CAMKMT: variants seen among roughly 807,000 people sequenced by gnomAD.
The protein encoded by CAMKMT is calmodulin-lysine N-methyltransferase, also known as CaM KMT.
CAMKMT carries 53 observed loss-of-function variants against 48.0 expected under a neutral mutation model. The observed-to-expected ratio is 1.10, with a 90% confidence interval of 0.89 to 1.39. The LOEUF is 1.39. Among genes scored for constraint, CAMKMT ranks in the 40% most tolerant of loss-of-function variants. The probability of loss-of-function intolerance (pLI) is 0.00; values close to 1 mark genes in which losing one functional copy is unlikely to be tolerated. For missense variants in CAMKMT, 428 were observed against 402.7 expected (o/e 1.06, Z -0.54); for synonymous variants, 165 against 152.3 (o/e 1.08, Z -0.61).
intron 7 of CAMKMT, among the ~76,000 whole-genome samples, chr2:44,740,629 T>A (rs1276536424): frequency 6.6e-6 from 1 of 152,188 alleles, no homozygotes; most frequent in Non-Finnish European, 1.5e-5. Context: ...TTCATAGTCA[T>A]GAATTTAAAG....
chr2:44,552,300 T>C (rs182181253), intron 3 of CAMKMT, among the ~76,000 whole-genome samples: 2 of 152,290 alleles, frequency 1.3e-5, no homozygotes, highest in East Asian at 3.9e-4. Flanking sequence ...TTTGAGTCTT[T>C]TAAATAAAAT....
At chr2:44,519,713 A>G (rs1558672400) in intron 3 of CAMKMT, among the ~76,000 whole-genome samples, 1 of 152,194 alleles carries the variant, frequency 6.6e-6, no homozygotes, top group Admixed American at 6.5e-5. Flanking sequence ...AAGTTTTACT[A>G]TGTGCCGGGC....
At chr2:44,675,141 AT>A (rs1675606966) in intron 3 of CAMKMT, among the ~76,000 whole-genome samples, 1 of 151,432 alleles carries the variant, frequency 6.6e-6, no homozygotes, top group South Asian at 2.1e-4. Flanking sequence ...CTTACTCTAC[AT>A]TCCCTTAATT....
chr2:44,709,218 T>G (rs1176944899), intron 6 of CAMKMT, among the ~76,000 whole-genome samples: 1 of 152,156 alleles, frequency 6.6e-6, no homozygotes, highest in Non-Finnish European at 1.5e-5. Flanking sequence ...TAACATTTGG[T>G]CCTCAGAAGC....
At chr2:44,704,705 T>G (rs1018825279) in intron 4 of CAMKMT, among the ~76,000 whole-genome samples, 1 of 136,632 alleles carries the variant, frequency 7.3e-6, no homozygotes, top group Non-Finnish European at 1.6e-5. Context: ...AAAAAACCAA[T>G]AAAGACATTC....
chr2:44,369,421 C>T lies in CAMKMT; in HGVS notation c.139-3295C>T, dbSNP rs146154365. On this transcript the variant is annotated intron_variant, in intron 1 of 10. Transcript: ENST00000378494. Reference sequence around the variant, plus strand: ...TTATGCATCTTTGGAATAAGTGTTCCTTTTTTGAAAATAGAAACCACTCTA... The same window carrying T: ...TTATGCATCTTTGGAATAAGTGTTCTTTTTTTGAAAATAGAAACCACTCTA... 6.1e-3 allele frequency among the ~76,000 whole-genome samples: 922 copies of T among 151,926 alleles called. 8 individuals carry two copies. Among genetic ancestry groups the T allele is most frequent in the African/African-American group, 0.021 (881 of 41,440 alleles).
intron 3 of CAMKMT, among the ~76,000 whole-genome samples, chr2:44,651,932 A>G (rs1674092573): frequency 6.6e-6 from 1 of 152,246 alleles, no homozygotes; most frequent in Non-Finnish European, 1.5e-5. Context: ...TTTCTGTCAT[A>G]GAAAAGTCTG....
chr2:44,656,811 GA>G (rs144672182), intron 3 of CAMKMT, among the ~76,000 whole-genome samples: 3,227 of 152,030 alleles, frequency 0.021, 91 homozygotes, highest in African/African-American at 0.068. Context: ...CCTTCTGACA[GA>G]AAAAAAGTTC....
At chr2:44,378,006 A>C (rs1679867908) in intron 2 of CAMKMT, among the ~76,000 whole-genome samples, 1 of 152,212 alleles carries the variant, frequency 6.6e-6, no homozygotes, top group African/African-American at 2.4e-5. Flanking sequence ...ACGTATATAG[A>C]GCTTGGCGAG....
chr2:44,678,101 T>C (rs1444663634), intron 3 of CAMKMT, among the ~76,000 whole-genome samples: 2 of 152,190 alleles, frequency 1.3e-5, no homozygotes, highest in African/African-American at 4.8e-5. Flanking sequence ...CTGTGTTCCT[T>C]ACCTAGCTGG....
intron 3 of CAMKMT, among the ~76,000 whole-genome samples, chr2:44,400,088 C>T (rs1258441072): frequency 6.6e-6 from 1 of 152,130 alleles, no homozygotes; most frequent in Non-Finnish European, 1.5e-5. Context: ...TCATTTGAAT[C>T]CCAAGTCATA....
chr2:44,373,347 A>G (rs1036832744), intron 2 of CAMKMT, among the ~76,000 whole-genome samples: 14 of 152,234 alleles, frequency 9.2e-5, no homozygotes, highest in Non-Finnish European at 1.3e-4. Flanking sequence ...AGAAAATTCA[A>G]CTGAAAACAC....
chr2:44,705,505 G>A lies in CAMKMT; in HGVS notation c.438-782G>A, dbSNP rs79883192. The stretch of plus-strand genomic sequence containing the variant: ...GTGGGCCAGGGCGAGAATGTCACAC[G>A]TTAAGGGCTGATATTTAGGCACAAA... On this transcript the variant is annotated intron_variant, in intron 4 of 10. Coordinates refer to ENST00000378494, the MANE Select transcript of CAMKMT (RefSeq NM_024766.5). 5.2e-4 allele frequency: 515 copies of A among 985,350 alleles called. 1 individual carries two copies. The African/African-American group carries it at 7.7e-3, about 15-fold the overall frequency. The allele number at this position is 985,350 out of a possible 1,614,324, so 61.0% of individuals were successfully genotyped here.
chr2:44,608,194 TC>T (rs1169079608), intron 3 of CAMKMT, among the ~76,000 whole-genome samples: 1 of 146,758 alleles, frequency 6.8e-6, no homozygotes, highest in East Asian at 2.2e-4. Context: ...TGCCTCAGCC[TC>T]CCAAGTAGCT....
Position 44,502,372 on chromosome 2 carries a change from G to A in CAMKMT, c.376+112067G>A, listed in dbSNP as rs926700329. The stretch of plus-strand genomic sequence containing the variant: ...TCCTTGTCTCTGTCACTCCAGGTCT[G>A]CTCTCTTTTTCTTTTCCCTTTCTGC... On this transcript the variant is annotated intron_variant, in intron 3 of 10. Transcript: ENST00000378494. 8.5e-4 allele frequency among the ~76,000 whole-genome samples: 130 copies of A among 152,246 alleles called. 2 individuals are homozygous for A. Among genetic ancestry groups the A allele is most frequent in the African/African-American group, 3.1e-3 (128 of 41,536 alleles).
intron 3 of CAMKMT, among the ~76,000 whole-genome samples, chr2:44,642,504 A>T (rs1458046582): frequency 3.3e-5 from 5 of 152,316 alleles, no homozygotes; most frequent in Middle Eastern, 3.4e-3. Flanking sequence ...TAATTTAGGG[A>T]GTGAACATGG....
intron 3 of CAMKMT, among the ~76,000 whole-genome samples, chr2:44,409,786 C>T (rs909898396): frequency 6.6e-6 from 1 of 151,836 alleles, no homozygotes; most frequent in Non-Finnish European, 1.5e-5. Flanking sequence ...TTTTAATTGT[C>T]AAAATGCAGA....
At chr2:44,687,065 A>G (rs920118192) in intron 3 of CAMKMT, among the ~76,000 whole-genome samples, 3 of 152,378 alleles carry the variant, frequency 2.0e-5, no homozygotes, top group Middle Eastern at 3.4e-3. Flanking sequence ...TCTCCAATGT[A>G]TGATAATTCT....
rs563888779 is a variant in CAMKMT, at chr2:44,628,128, T to G, written c.377-76155T>G. Among the ~76,000 whole-genome samples, 9 of 152,258 alleles carry G rather than the reference T, an allele frequency of 5.9e-5. No homozygotes were observed. The South Asian group carries it at 1.7e-3, about 28-fold the overall frequency. ...TGCATGGCTAATTTTTAAATTTTTT[T>G]GTAGAGATGGCATCTCACTATGTCA... is the stretch of plus-strand genomic sequence containing the variant. On this transcript the variant is annotated intron_variant, in intron 3 of 10. Coordinates refer to ENST00000378494, the MANE Select transcript of CAMKMT (RefSeq NM_024766.5).
Sources: gnomAD v4.1 joint callset for allele counts (sites outside exome capture counted in the v4.1 genomes callset) on GRCh38, gnomAD v4.1.1 for gene constraint, MANE v1.5 for transcripts, NCBI Gene and HGNC (gene_info 2026-07-23, HGNC 2026-07-21) for gene names.